The following LINGO2 variants were observed in gnomAD, a reference collection of about 807,000 sequenced individuals.
LINGO2 encodes the protein leucine rich repeat and Ig domain containing 2.
A neutral mutation model predicts 30.6 loss-of-function variants in LINGO2; 14 were observed. The ratio of observed to expected loss-of-function variants is 0.46; its 90% confidence interval spans 0.30 to 0.72. The LOEUF (loss-of-function observed/expected upper bound fraction) is 0.72. Among genes scored for constraint, LINGO2 ranks in the 30% least tolerant of loss-of-function variants. LINGO2 has a pLI of 0.07. For synonymous variants in LINGO2, 317 were observed against 288.5 expected, an observed-to-expected ratio of 1.10 and a Z score of -1.00; for missense variants, 729 against 751.7, an observed-to-expected ratio of 0.97 and a Z score of 0.35.
chr9:28,546,482 ACTCT>A (rs534391491), intron 1 of LINGO2, among the ~76,000 whole-genome samples: 1 of 151,776 alleles, frequency 6.6e-6, no homozygotes, highest in Non-Finnish European at 1.5e-5. Flanking sequence ...TTCTTCTTAA[ACTCT>A]CTGTGTAGTA....
chr9:29,072,202 G>T, the LINGO2 span, among the ~76,000 whole-genome samples: 2 of 151,960 alleles, frequency 1.3e-5, no homozygotes, highest in African/African-American at 2.4e-5. Context: ...GTTAATAATT[G>T]CAAAGTTCCA....
At chr9:28,251,810 T>C (rs968956904) in intron 4 of LINGO2, among the ~76,000 whole-genome samples, 2 of 152,116 alleles carry the variant, frequency 1.3e-5, no homozygotes, top group Admixed American at 6.6e-5. Context: ...AGGAATATTA[T>C]GTGATAATTA....
intron 4 of LINGO2, among the ~76,000 whole-genome samples, chr9:28,162,857 G>T (rs571668766): frequency 6.6e-6 from 1 of 152,090 alleles, no homozygotes; most frequent in Non-Finnish European, 1.5e-5. Flanking sequence ...GCATAGTGAA[G>T]ATTGATGTAG....
Position 28,659,804 on chromosome 9 carries a change from T to G in LINGO2, c.-365+10396A>C, listed in dbSNP as rs559848654. Among the ~76,000 whole-genome samples the G allele has an allele frequency of 1.8e-4, 28 of 152,166 alleles. 1 individual carries two copies. The South Asian group carries it at 2.9e-3, about 16-fold the overall frequency. On this transcript the variant is annotated intron_variant, in intron 1 of 5. Coordinates refer to ENST00000379992, the Ensembl canonical transcript of LINGO2. ...GACCAGAGTCCAGTGTCGTAATAGG[T>G]TGAATGTAACAAAATAAAATAACTG...
At chr9:28,778,960 T>A in the LINGO2 span, among the ~76,000 whole-genome samples, 8 of 152,248 alleles carry the variant, frequency 5.3e-5, no homozygotes, top group South Asian at 1.2e-3. Context: ...AAGAAATTGA[T>A]TTTAATTAAG....
chr9:28,139,983 AC>A (rs1217085807), intron 4 of LINGO2, among the ~76,000 whole-genome samples: 6 of 152,212 alleles, frequency 3.9e-5, no homozygotes, highest in African/African-American at 1.4e-4. Context: ...AAGTGCCTTT[AC>A]CGTCAAAAGT....
At chr9:28,209,427 G>A (rs1820517117) in intron 4 of LINGO2, among the ~76,000 whole-genome samples, 1 of 151,730 alleles carries the variant, frequency 6.6e-6, no homozygotes, top group Admixed American at 6.6e-5. Context: ...CATACTGCAG[G>A]TGGTCTCATG....
intron 4 of LINGO2, among the ~76,000 whole-genome samples, chr9:28,278,982 T>G (rs1823227280): frequency 6.6e-6 from 1 of 152,196 alleles, no homozygotes; most frequent in Admixed American, 6.5e-5. Flanking sequence ...AACAAGAGTT[T>G]GGAAGAAGCT....
At chr9:27,978,131 G>A (rs1234741656) in intron 5 of LINGO2, among the ~76,000 whole-genome samples, 1 of 152,044 alleles carries the variant, frequency 6.6e-6, no homozygotes, top group East Asian at 1.9e-4. Context: ...TTGCTCCTGG[G>A]ATGAAATGTA....
chr9:28,506,485 C>CATATATATATATATATATATAT (rs1491111372), intron 1 of LINGO2, among the ~76,000 whole-genome samples: 4 of 73,378 alleles, frequency 5.5e-5, no homozygotes, highest in Non-Finnish European at 1.1e-4. Context: ...CACACATACA[C>CATATATATATATATATATATAT]ATACACACAC....
At chr9:28,196,608 A>C (rs917314706) in intron 4 of LINGO2, among the ~76,000 whole-genome samples, 2 of 152,002 alleles carry the variant, frequency 1.3e-5, no homozygotes, top group East Asian at 1.9e-4. Context: ...AGGTCCTTAC[A>C]AATGCAAAAT....
chr9:28,715,380 C>T, the LINGO2 span, among the ~76,000 whole-genome samples: 1 of 152,070 alleles, frequency 6.6e-6, no homozygotes, highest in African/African-American at 2.4e-5. Flanking sequence ...TGAGAATGAG[C>T]ATGTATATTA....
intron 5 of LINGO2, among the ~76,000 whole-genome samples, chr9:27,976,643 G>A (rs1326909329): frequency 1.3e-5 from 2 of 152,016 alleles, no homozygotes; most frequent in African/African-American, 2.4e-5. Context: ...TCGCAGTCTA[G>A]TAATAAGTCT....
chr9:28,524,162 A>G (rs1820928417), intron 1 of LINGO2, among the ~76,000 whole-genome samples: 1 of 152,190 alleles, frequency 6.6e-6, no homozygotes. Flanking sequence ...GGCCAAGATA[A>G]TTAAAAGTGA....
At chr9:28,843,520 G>A in the LINGO2 span, among the ~76,000 whole-genome samples, 8 of 151,730 alleles carry the variant, frequency 5.3e-5, no homozygotes, top group African/African-American at 1.9e-4. Context: ...AGAAGGAGTG[G>A]CAAAGAAGGA....
the LINGO2 span, among the ~76,000 whole-genome samples, chr9:28,839,150 T>C: frequency 2.6e-5 from 4 of 152,288 alleles, no homozygotes; most frequent in South Asian, 4.2e-4. Flanking sequence ...CTTCTCTCTT[T>C]CTCCCTTCTT....
chr9:28,410,970 A>G (rs1177807047), intron 2 of LINGO2, among the ~76,000 whole-genome samples: 1 of 152,104 alleles, frequency 6.6e-6, no homozygotes, highest in South Asian at 2.1e-4. Flanking sequence ...GTCAACATGC[A>G]CAACGACCAA....
the LINGO2 span, among the ~76,000 whole-genome samples, chr9:28,684,126 C>T: frequency 7.4e-6 from 1 of 134,902 alleles, no homozygotes; most frequent in Non-Finnish European, 1.6e-5. Flanking sequence ...TTGTATGCAT[C>T]AATAAATTAA....
chr9:29,173,170 G>A, the LINGO2 span, among the ~76,000 whole-genome samples: 1 of 151,890 alleles, frequency 6.6e-6, no homozygotes, highest in Non-Finnish European at 1.5e-5. Flanking sequence ...GTGGTATAGT[G>A]GGTGGAGAAA....
Sources: gnomAD v4.1 joint callset for allele counts (sites outside exome capture counted in the v4.1 genomes callset) on GRCh38, gnomAD v4.1.1 for gene constraint, MANE v1.5 for transcripts, NCBI Gene and HGNC (gene_info 2026-07-23, HGNC 2026-07-21) for gene names.